LHFPL4: variants seen among roughly 807,000 people sequenced by gnomAD.
The protein encoded by LHFPL4 is LHFPL tetraspan subfamily member 4, also known as LHFPL tetraspan subfamily member 4 protein.
Under a neutral mutation model 20.0 loss-of-function variants are expected in LHFPL4, and 6 were observed. The observed-to-expected ratio is 0.30, with a 90% CI of 0.16 to 0.59. LHFPL4 has a LOEUF of 0.59. LHFPL4 is among the 20% of genes least tolerant of loss of function. The pLI is 0.88. For synonymous variants in LHFPL4, 129 were observed against 143.8 expected, an observed-to-expected ratio of 0.90 and a Z score of 0.74; for missense variants, 215 against 331.2, an observed-to-expected ratio of 0.65 and a Z score of 2.72.
At chr3:9,519,159 G>T (rs1032833261) in intron 2 of LHFPL4, among the ~76,000 whole-genome samples, 1 of 151,446 alleles carries the variant, frequency 6.6e-6, no homozygotes, top group South Asian at 2.1e-4. Context: ...GGCTGGTCTC[G>T]AACTCCTGAC....
intron 2 of LHFPL4, among the ~76,000 whole-genome samples, chr3:9,522,240 C>T (rs1031353162): frequency 9.9e-5 from 15 of 151,014 alleles, no homozygotes; most frequent in African/African-American, 3.4e-4. Flanking sequence ...GTGATCTGCC[C>T]GCCTTGGCCT....
At chr3:9,533,763 C>T (rs1319217728) in intron 2 of LHFPL4, among the ~76,000 whole-genome samples, 1 of 151,898 alleles carries the variant, frequency 6.6e-6, no homozygotes, top group Non-Finnish European at 1.5e-5. Flanking sequence ...GCCTGGGCAA[C>T]AGAGCAAGAC....
chr3:9,545,073 G>A (rs1053611236), intron 2 of LHFPL4, among the ~76,000 whole-genome samples: 3 of 151,984 alleles, frequency 2.0e-5, no homozygotes, highest in Non-Finnish European at 2.9e-5. Flanking sequence ...CACACGACAC[G>A]GTCAGTAAAG....
At chr3:9,518,564 G>A in intron 2 of LHFPL4, among the ~76,000 whole-genome samples, 1 of 152,080 alleles carries the variant, frequency 6.6e-6, no homozygotes. Context: ...GAAGGTTATT[G>A]ATTACTAATT....
intron 2 of LHFPL4, among the ~76,000 whole-genome samples, chr3:9,543,455 G>A (rs1041730625): frequency 2.0e-5 from 3 of 150,872 alleles, no homozygotes; most frequent in Admixed American, 1.3e-4. Flanking sequence ...AGCCGAGATC[G>A]CACCACTGCA....
At chr3:9,526,548 A>G (rs773065347) in intron 2 of LHFPL4, among the ~76,000 whole-genome samples, 1 of 152,232 alleles carries the variant, frequency 6.6e-6, no homozygotes, top group Non-Finnish European at 1.5e-5. Context: ...ATCTCTTAAA[A>G]TGATGGTGAA....
At position 9,502,299 on chromosome 3, in the gene LHFPL4, G is replaced by C; in HGVS notation, c.656C>G (p.Ser219Cys). The change falls in exon 4 of 4, where the codon TCT becomes TGT. Residue 219 changes from serine to cysteine, a missense_variant. Ser to Cys is a moderately radical substitution (Grantham distance 112). This residue lies in a region of LHFPL4 where 51 missense variants were observed against 44.5 expected (regional missense o/e 1.15). Coordinates refer to ENST00000287585, the MANE Select transcript of LHFPL4 (RefSeq NM_198560.3). ...LKPENKDFVG[S>C]TVSSVLRPGG... ...GGGCCGCAACACGGAGCTTACTGTA[G>C]AGCCCACAAAATCTAAGAGAGAGAG... 6.2e-7 allele frequency: 1 copy of C among 1,611,658 alleles called. No homozygotes were observed. The highest frequency in any genetic ancestry group is 8.5e-7 in the Non-Finnish European group (1 of 1,177,838).
chr3:9,518,525 C>G (rs1393715322), intron 2 of LHFPL4, among the ~76,000 whole-genome samples: 2 of 152,104 alleles, frequency 1.3e-5, no homozygotes, highest in Middle Eastern at 3.2e-3. Flanking sequence ...CACCAGTGAA[C>G]CCATCAGGGC....
chr3:9,537,323 G>A (rs539638141), intron 2 of LHFPL4, among the ~76,000 whole-genome samples: 30 of 152,232 alleles, frequency 2.0e-4, no homozygotes, highest in Non-Finnish European at 3.8e-4. Flanking sequence ...GTCTCAACTC[G>A]TGGTTCCAGA....
chr3:9,533,443 G>C (rs1014453521), intron 2 of LHFPL4, among the ~76,000 whole-genome samples: 1 of 152,216 alleles, frequency 6.6e-6, no homozygotes, highest in Non-Finnish European at 1.5e-5. Context: ...GCAAAAGTGT[G>C]ATTCCATTTA....
At chr3:9,527,460 A>G (rs1047982209) in intron 2 of LHFPL4, among the ~76,000 whole-genome samples, 28 of 152,122 alleles carry the variant, frequency 1.8e-4, no homozygotes, top group African/African-American at 6.3e-4. Context: ...GCATGCCTGT[A>G]GTCTCACTTA....
chr3:9,504,128 T>A (rs1173786858), intron 3 of LHFPL4, among the ~76,000 whole-genome samples: 2 of 152,104 alleles, frequency 1.3e-5, no homozygotes, highest in Non-Finnish European at 2.9e-5. Flanking sequence ...CCCAACACTT[T>A]GGGAAGCTGA....
chr3:9,523,984 C>G (rs1001051055), intron 2 of LHFPL4, among the ~76,000 whole-genome samples: 1 of 66,788 alleles, frequency 1.5e-5, no homozygotes, highest in African/African-American at 5.6e-5. Context: ...GCTAGTATTT[C>G]CCCCCCCCCC....
chr3:9,516,045 A>G (rs2046298800), intron 2 of LHFPL4, among the ~76,000 whole-genome samples: 1 of 151,554 alleles, frequency 6.6e-6, no homozygotes, highest in South Asian at 2.1e-4. Flanking sequence ...ATTTTCTCCC[A>G]GTATGTGGCT....
intron 2 of LHFPL4, among the ~76,000 whole-genome samples, chr3:9,522,003 T>G (rs764533229): frequency 6.6e-6 from 1 of 152,156 alleles, no homozygotes; most frequent in Non-Finnish European, 1.5e-5. Flanking sequence ...ACATTTTAAA[T>G]GATTCCATTT....
intron 2 of LHFPL4, among the ~76,000 whole-genome samples, chr3:9,513,813 G>A (rs893391551): frequency 2.6e-5 from 4 of 152,174 alleles, no homozygotes; most frequent in Middle Eastern, 6.3e-3. Flanking sequence ...TGCTTCTCAA[G>A]GTCACAAGGT....
intron 3 of LHFPL4, among the ~76,000 whole-genome samples, chr3:9,502,527 C>T (rs2046184663): frequency 6.6e-6 from 1 of 152,010 alleles, no homozygotes; most frequent in Non-Finnish European, 1.5e-5. Context: ...CATGGCACAA[C>T]CCTGTCTTTA....
chr3:9,505,442 G>GTT (rs535829436), intron 3 of LHFPL4, among the ~76,000 whole-genome samples: 19 of 147,302 alleles, frequency 1.3e-4, no homozygotes, highest in African/African-American at 4.0e-4. Context: ...GCTAGTTTTT[G>GTT]TTTTTTTTTG....
At chr3:9,511,197 A>G (rs1309569872) in intron 2 of LHFPL4, among the ~76,000 whole-genome samples, 1 of 151,206 alleles carries the variant, frequency 6.6e-6, no homozygotes, top group Admixed American at 6.6e-5. Context: ...TAAAAATACA[A>G]AAAATTAGCC....
Sources: allele counts gnomAD v4.1 joint callset (sites outside exome capture counted in the v4.1 genomes callset), GRCh38; gene constraint gnomAD v4.1.1; regional missense constraint gnomAD v4.1.1; transcripts MANE v1.5; gene names NCBI Gene and HGNC (gene_info 2026-07-23, HGNC 2026-07-21).